Variants in DENND4A observed in about 807,000 individuals in gnomAD.
The protein encoded by DENND4A is DENN domain containing 4A.
Under a neutral mutation model 199.3 loss-of-function variants are expected in DENND4A, and 70 were observed. That is an observed-to-expected ratio of 0.35 (90% CI 0.29 to 0.43). DENND4A has a LOEUF of 0.43. Ranked by LOEUF, DENND4A falls within the 20% of genes least tolerant of loss-of-function variation. The pLI is 1.00. For synonymous variants in DENND4A, 686 were observed against 766.9 expected, an observed-to-expected ratio of 0.89 and a Z score of 1.74; for missense variants, 1,723 against 2,255.8, an observed-to-expected ratio of 0.76 and a Z score of 4.78.
chr15:65,751,994 A>T (rs1408967283), intron 4 of DENND4A, among the ~76,000 whole-genome samples: 2 of 151,934 alleles, frequency 1.3e-5, no homozygotes, highest in African/African-American at 4.8e-5. Context: ...GGAAAAACCA[A>T]TGATTTACAA....
chr15:65,734,518 A>C (rs2076056833), intron 7 of DENND4A, among the ~76,000 whole-genome samples: 1 of 152,000 alleles, frequency 6.6e-6, no homozygotes, highest in African/African-American at 2.4e-5. Flanking sequence ...GGGTCCCCTT[A>C]TTTCTTTCTC....
chr15:65,706,772 G>C (rs2142256613), intron 14 of DENND4A, among the ~76,000 whole-genome samples: 1 of 152,310 alleles, frequency 6.6e-6, no homozygotes, highest in Non-Finnish European at 1.5e-5. Context: ...GGGATTACAG[G>C]CGTGAGCCAC....
chr15:65,787,578 T>C lies in DENND4A; in HGVS notation c.-102+4432A>G, dbSNP rs546084739. ...TAGATGAATATATACCCAGCCCTTC[T>C]AAATATAGCATTCCCGAACCTACAA... On this transcript the variant is annotated intron_variant, in intron 1 of 32. Transcript: ENST00000443035. 2.6e-5 allele frequency among the ~76,000 whole-genome samples: 4 copies of C among 152,364 alleles called. No individual in the cohort carries two copies. In the South Asian group the frequency reaches 8.3e-4, roughly 32 times the overall value.
At chr15:65,689,001 T>C (rs2076884340) in intron 23 of DENND4A, among the ~76,000 whole-genome samples, 10 of 152,130 alleles carry the variant, frequency 6.6e-5, no homozygotes, top group Admixed American at 6.5e-4. Flanking sequence ...TACAGAAAAA[T>C]AGGTTGACAG....
At chr15:65,737,068 A>AT (rs923662002) in intron 7 of DENND4A, among the ~76,000 whole-genome samples, 94 of 148,172 alleles carry the variant, frequency 6.3e-4, no homozygotes, top group East Asian at 7.8e-4. Context: ...CGGTAAGGAA[A>AT]TTTTTTTTTT....
At chr15:65,712,794 A>G (rs778752755) in intron 14 of DENND4A, among the ~76,000 whole-genome samples, 2 of 152,072 alleles carry the variant, frequency 1.3e-5, no homozygotes, top group Non-Finnish European at 2.9e-5. Flanking sequence ...TCTTTAAATA[A>G]TCTTAACGTT....
At chr15:65,769,159 T>A (rs561309789) in intron 1 of DENND4A, among the ~76,000 whole-genome samples, 16 of 151,618 alleles carry the variant, frequency 1.1e-4, no homozygotes, top group African/African-American at 3.1e-4. Flanking sequence ...ATAGATTTTT[T>A]AAAAATAGCT....
At chr15:65,709,350 T>C (rs188281771) in intron 14 of DENND4A, among the ~76,000 whole-genome samples, 24 of 152,334 alleles carry the variant, frequency 1.6e-4, no homozygotes, top group Admixed American at 1.4e-3. Context: ...CAGAGAGTTC[T>C]GGCTAATAAC....
intron 7 of DENND4A, among the ~76,000 whole-genome samples, chr15:65,736,084 T>A (rs1433842890): frequency 6.6e-6 from 1 of 152,208 alleles, no homozygotes; most frequent in African/African-American, 2.4e-5. Flanking sequence ...TTTTCTAAGA[T>A]GGGGGTGATA....
chr15:65,701,014 A>T (rs779591086), intron 19 of DENND4A, 37 bp downstream of exon 19: 3 of 1,559,566 alleles, frequency 1.9e-6, no homozygotes, highest in South Asian at 1.2e-5. Context: ...CTAATCAATT[A>T]ATTTTGAAGA....
chr15:65,677,105 G>A (rs1434067710), intron 23 of DENND4A, among the ~76,000 whole-genome samples: 1 of 151,836 alleles, frequency 6.6e-6, no homozygotes, highest in African/African-American at 2.4e-5. Context: ...ATTTTTACAC[G>A]AAAAAAATTT....
chr15:65,739,707 G>A (rs767512334), intron 5 of DENND4A, among the ~76,000 whole-genome samples: 11 of 152,152 alleles, frequency 7.2e-5, no homozygotes, highest in South Asian at 2.1e-4. Context: ...TACTACAGGA[G>A]TATGGTTTTC....
chr15:65,775,578 T>C (rs1448099666), intron 1 of DENND4A, among the ~76,000 whole-genome samples: 1 of 127,956 alleles, frequency 7.8e-6, no homozygotes, highest in Admixed American at 9.1e-5. Context: ...GAGGTGAAGG[T>C]TGCAGTGAGC....
intron 14 of DENND4A, among the ~76,000 whole-genome samples, chr15:65,706,508 A>ATTTTTT (rs1555422315): frequency 3.3e-4 from 45 of 136,070 alleles, no homozygotes; most frequent in African/African-American, 1.2e-3. Flanking sequence ...ATATATATAT[A>ATTTTTT]TTTTTTTTTG....
At chr15:65,690,385 G>A (rs780843650) in intron 23 of DENND4A, 30 bp downstream of exon 23, 1 of 1,530,198 alleles carries the variant, frequency 6.5e-7, no homozygotes, top group Non-Finnish European at 8.8e-7. Flanking sequence ...GTGTGTGACA[G>A]TAAAAGTAGC....
At chr15:65,746,676 G>A (rs536702831) in intron 4 of DENND4A, among the ~76,000 whole-genome samples, 2 of 151,236 alleles carry the variant, frequency 1.3e-5, no homozygotes, top group African/African-American at 4.8e-5. Flanking sequence ...CACAGCACCC[G>A]GCTCAATTCT....
chr15:65,780,180 G>A (rs1446879341), intron 1 of DENND4A, among the ~76,000 whole-genome samples: 1 of 152,174 alleles, frequency 6.6e-6, no homozygotes, highest in Non-Finnish European at 1.5e-5. Context: ...GGGATTACAG[G>A]TGTGCACCAC....
At chr15:65,760,690 A>T (rs1178389175) in intron 2 of DENND4A, among the ~76,000 whole-genome samples, 1 of 152,090 alleles carries the variant, frequency 6.6e-6, no homozygotes, top group African/African-American at 2.4e-5. Context: ...GGAGTTCAAG[A>T]CCAGCCTGGC....
chr15:65,720,841 A>G (rs574522001), intron 12 of DENND4A, among the ~76,000 whole-genome samples: 1 of 151,082 alleles, frequency 6.6e-6, no homozygotes, highest in South Asian at 2.1e-4. Context: ...TGTGCTCTGA[A>G]GCTATAAAGC....
Sources: allele counts gnomAD v4.1 joint callset (sites outside exome capture counted in the v4.1 genomes callset), GRCh38; gene constraint gnomAD v4.1.1; transcripts MANE v1.5; gene names NCBI Gene and HGNC (gene_info 2026-07-23, HGNC 2026-07-21).